Variants in KALRN observed in about 807,000 individuals in gnomAD.
KALRN encodes the protein kalirin RhoGEF kinase, also known as kalirin.
Under a neutral mutation model 353.7 loss-of-function variants are expected in KALRN, and 70 were observed. That is an observed-to-expected ratio of 0.20 (90% CI 0.16 to 0.24). The LOEUF (loss-of-function observed/expected upper bound fraction) is 0.24. Ranked by LOEUF, KALRN falls within the 10% of genes least tolerant of loss-of-function variation. KALRN has a pLI of 1.00. For synonymous variants in KALRN, 1,391 were observed against 1,434.8 expected (o/e 0.97, Z 0.69); for missense variants, 2,791 against 3,756.7 (o/e 0.74, Z 6.72).
At chr3:124,657,324 C>T (rs1041289554) in intron 39 of KALRN, 124 bp from the exon 40 acceptor site, 1 of 671,442 alleles carries the variant, frequency 1.5e-6, no homozygotes, top group Non-Finnish European at 2.7e-6. Context: ...TGAGAAACCA[C>T]AGAAGCATTT....
intron 1 of KALRN, among the ~76,000 whole-genome samples, chr3:124,148,956 A>G (rs934365415): frequency 3.3e-5 from 5 of 152,220 alleles, no homozygotes; most frequent in African/African-American, 9.6e-5. Flanking sequence ...ACTGCCTACT[A>G]TATGCCAATA....
chr3:124,334,546 G>A lies in KALRN; in HGVS notation c.1647+51G>A, dbSNP rs575463939. The A allele has an allele frequency of 1.7e-4, 231 of 1,340,478 alleles. No individual in the cohort carries two copies. Among genetic ancestry groups the A allele is most frequent in the Non-Finnish European group, 2.2e-4 (209 of 955,728 alleles). 83.0% of individuals were successfully genotyped at this position (1,340,478 alleles called of 1,614,324 possible). ...CATTATCCATTCTAGGAGGCAGACCGAGCTCAAGTCCCTGACCTAGGTGAT... is the reference window on the plus strand; with the variant it reads ...CATTATCCATTCTAGGAGGCAGACCAAGCTCAAGTCCCTGACCTAGGTGAT... On this transcript the variant is annotated intron_variant, in intron 9 of 59. Coordinates refer to ENST00000682506, the MANE Select transcript of KALRN (RefSeq NM_001388419.1). The surrounding 1 kb of genome is among the most constrained non-coding windows in gnomAD (Gnocchi z 4.2).
intron 33 of KALRN, among the ~76,000 whole-genome samples, chr3:124,556,801 A>T (rs1577957801): frequency 6.6e-6 from 1 of 152,162 alleles, no homozygotes; most frequent in African/African-American, 2.4e-5. Flanking sequence ...CCAGAGGGAA[A>T]ATTACCCAGA....
intron 51 of KALRN, among the ~76,000 whole-genome samples, chr3:124,685,706 G>C (rs75175273): frequency 6.6e-6 from 1 of 152,182 alleles, no homozygotes; most frequent in Non-Finnish European, 1.5e-5. Flanking sequence ...CCCAGCCAGA[G>C]CAACCAAGAA....
In KALRN at chr3:124,334,027, CACAG is replaced by C. The variant is rs897612346; in HGVS notation, c.1417-234_1417-231del. Reference sequence around the variant, plus strand: ...TGAAATTCAGGAGGGGAGAGAGTCTCACAGACAACTGGCCAGCACTCCAGCAACT... The same window carrying C: ...TGAAATTCAGGAGGGGAGAGAGTCTCACAACTGGCCAGCACTCCAGCAACT... On this transcript the variant is annotated intron_variant, in intron 8 of 59. Coordinates refer to ENST00000682506, the MANE Select transcript of KALRN (RefSeq NM_001388419.1). This position sits in a 1 kb window ranked among gnomAD's most constrained non-coding sequence, Gnocchi z 4.2. Among the ~76,000 whole-genome samples, 1 of 152,210 alleles carries C rather than the reference CACAG, an allele frequency of 6.6e-6. No homozygotes were observed. Among genetic ancestry groups the C allele is most frequent in the African/African-American group, 2.4e-5 (1 of 41,462 alleles).
At chr3:124,637,667 A>C (rs1310377570) in intron 37 of KALRN, among the ~76,000 whole-genome samples, 1 of 152,158 alleles carries the variant, frequency 6.6e-6, no homozygotes. Flanking sequence ...CCCAGAACAC[A>C]CTGATTGGAT....
chr3:124,395,935 A>G (rs1482746048), intron 12 of KALRN, among the ~76,000 whole-genome samples: 1 of 152,248 alleles, frequency 6.6e-6, no homozygotes, highest in Non-Finnish European at 1.5e-5. Context: ...AATCCTGTCT[A>G]AAATTTTTCA....
chr3:124,295,089 G>A (rs2076744333), intron 5 of KALRN, among the ~76,000 whole-genome samples: 1 of 152,220 alleles, frequency 6.6e-6, no homozygotes, highest in Non-Finnish European at 1.5e-5. Flanking sequence ...ATGTAACAGA[G>A]ATGACTATGA....
intron 32 of KALRN, among the ~76,000 whole-genome samples, chr3:124,495,965 G>GTGTATGTATATATATATATATA (rs1239001137): frequency 2.4e-5 from 1 of 41,478 alleles, no homozygotes; most frequent in Non-Finnish European, 3.9e-5. Flanking sequence ...GTGTATGTAT[G>GTGTATGTATATATATATATATA]TATATATATA....
chr3:124,593,652 T>C (rs1196472243), intron 34 of KALRN, among the ~76,000 whole-genome samples: 1 of 152,200 alleles, frequency 6.6e-6, no homozygotes, highest in Non-Finnish European at 1.5e-5. Context: ...GCTCCCTGTG[T>C]CCCTGGGGAA....
intron 3 of KALRN, among the ~76,000 whole-genome samples, chr3:124,250,250 T>C (rs1052079054): frequency 7.9e-5 from 12 of 152,244 alleles, no homozygotes; most frequent in Admixed American, 7.8e-4. Context: ...AGGAAACATG[T>C]GGTTTATTAA....
At chr3:124,366,810 C>T (rs1217356217) in intron 10 of KALRN, among the ~76,000 whole-genome samples, 26 of 147,786 alleles carry the variant, frequency 1.8e-4, no homozygotes, top group East Asian at 1.3e-3. Flanking sequence ...ACCTCCCGGA[C>T]GGGGTGGCTG....
At chr3:124,046,168 C>T (rs1466621773) in intron 1 of KALRN, among the ~76,000 whole-genome samples, 1 of 151,858 alleles carries the variant, frequency 6.6e-6, no homozygotes, top group Non-Finnish European at 1.5e-5. Flanking sequence ...TTTTTTCTTT[C>T]AGATCAAGGA....
chr3:124,286,350 T>C (rs1467141847), intron 5 of KALRN, among the ~76,000 whole-genome samples: 1 of 151,252 alleles, frequency 6.6e-6, no homozygotes, highest in Non-Finnish European at 1.5e-5. Flanking sequence ...TTTCAAGCAA[T>C]TCTCCCACCT....
intron 5 of KALRN, among the ~76,000 whole-genome samples, chr3:124,280,548 T>A (rs2075246048): frequency 6.6e-6 from 1 of 152,158 alleles, no homozygotes; most frequent in African/African-American, 2.4e-5. Context: ...TGGGACCAGT[T>A]TTTCAAGTGG....
chr3:124,526,028 G>A (rs568843779), intron 33 of KALRN, among the ~76,000 whole-genome samples: 1 of 152,334 alleles, frequency 6.6e-6, no homozygotes, highest in South Asian at 2.1e-4. Flanking sequence ...TATGTTGCTT[G>A]TAGGGCTACA....
intron 34 of KALRN, among the ~76,000 whole-genome samples, chr3:124,575,732 A>G (rs2074026298): frequency 1.3e-5 from 2 of 152,138 alleles, no homozygotes; most frequent in African/African-American, 2.4e-5. Context: ...GCAATGTTGC[A>G]TCTTTCTGAT....
At chr3:124,585,749 G>A (rs750372411) in intron 34 of KALRN, among the ~76,000 whole-genome samples, 22 of 152,140 alleles carry the variant, frequency 1.4e-4, no homozygotes, top group Admixed American at 2.6e-4. Context: ...CTGTTTTTGT[G>A]TGGGTAGAAA....
chr3:124,241,718 C>G (rs2080464593), intron 3 of KALRN, among the ~76,000 whole-genome samples: 1 of 152,132 alleles, frequency 6.6e-6, no homozygotes, highest in Non-Finnish European at 1.5e-5. Context: ...TGGGGTAGCA[C>G]CCTGAGTTAA....
Sources: gnomAD v4.1 joint callset for allele counts (sites outside exome capture counted in the v4.1 genomes callset) on GRCh38, gnomAD v4.1.1 for gene constraint, Gnocchi (gnomAD v3.1) non-coding constraint, MANE v1.5 for transcripts, NCBI Gene and HGNC (gene_info 2026-07-23, HGNC 2026-07-21) for gene names.